TBC1D22A: variants seen among roughly 807,000 people sequenced by gnomAD.
TBC1D22A encodes putative GTPase activator.
TBC1D22A carries 38 observed loss-of-function variants against 60.2 expected under a neutral mutation model. The ratio of observed to expected loss-of-function variants is 0.63; its 90% CI spans 0.49 to 0.83. The LOEUF (loss-of-function observed/expected upper bound fraction) is 0.83. Among genes scored for constraint, TBC1D22A ranks in the 40% least tolerant of loss-of-function variants. TBC1D22A has a pLI of 0.00. For missense variants in TBC1D22A, 628 were observed against 701.0 expected (o/e 0.90, Z 1.18); for synonymous variants, 302 against 281.7 (o/e 1.07, Z -0.72).
intron 4 of TBC1D22A, among the ~76,000 whole-genome samples, chr22:46,818,677 T>C (rs1301414198): frequency 6.6e-6 from 1 of 152,206 alleles, no homozygotes; most frequent in Non-Finnish European, 1.5e-5. Context: ...GGTAGCATGA[T>C]GCTTCTAGCT....
intron 7 of TBC1D22A, among the ~76,000 whole-genome samples, chr22:46,910,892 TAC>T (rs984296119): frequency 6.8e-6 from 1 of 147,530 alleles, no homozygotes; most frequent in African/African-American, 2.6e-5. Flanking sequence ...GCGGTAGGAG[TAC>T]GGGCTGATGA....
At chr22:47,155,253 A>G (rs938363542) in intron 12 of TBC1D22A, among the ~76,000 whole-genome samples, 3 of 151,952 alleles carry the variant, frequency 2.0e-5, no homozygotes, top group Admixed American at 6.6e-5. Flanking sequence ...GACAGTATAC[A>G]TCGCTGTGCC....
chr22:46,956,438 TTC>T (rs1359665187), intron 8 of TBC1D22A, among the ~76,000 whole-genome samples: 1 of 152,206 alleles, frequency 6.6e-6, no homozygotes, highest in Non-Finnish European at 1.5e-5. Flanking sequence ...TGATTTAATT[TTC>T]TTTTTTAAGC....
intron 11 of TBC1D22A, among the ~76,000 whole-genome samples, chr22:47,066,165 C>G (rs2063767418): frequency 1.3e-5 from 2 of 152,286 alleles, no homozygotes; most frequent in East Asian, 3.9e-4. Flanking sequence ...CTAGATAAAC[C>G]AAGGCATATG....
intron 7 of TBC1D22A, among the ~76,000 whole-genome samples, chr22:46,897,640 G>GTTTTTTTGTTTTTTTTTTT (rs1569189469): frequency 9.2e-6 from 1 of 108,408 alleles, no homozygotes; most frequent in African/African-American, 4.2e-5. Context: ...GTTTCGTTTT[G>GTTTTTTTGTTTTTTTTTTT]TTTTTTTTTG....
chr22:47,156,699 A>G (rs2067732180), intron 12 of TBC1D22A, among the ~76,000 whole-genome samples: 1 of 151,940 alleles, frequency 6.6e-6, no homozygotes, highest in Non-Finnish European at 1.5e-5. Context: ...CCCTCACAGC[A>G]CAGTCTCCCT....
chr22:47,107,984 C>G (rs923376390), intron 11 of TBC1D22A, among the ~76,000 whole-genome samples: 4 of 152,180 alleles, frequency 2.6e-5, no homozygotes, highest in African/African-American at 9.7e-5. Flanking sequence ...ACACCAACAG[C>G]ATGATCTGTA....
At chr22:47,137,447 G>A (rs2066916699) in intron 12 of TBC1D22A, among the ~76,000 whole-genome samples, 1 of 152,112 alleles carries the variant, frequency 6.6e-6, no homozygotes, top group South Asian at 2.1e-4. Context: ...GCCCCTTAGC[G>A]AGGAGCCGAG....
intron 11 of TBC1D22A, among the ~76,000 whole-genome samples, chr22:47,105,096 GCT>G (rs2065583936): frequency 1.3e-5 from 2 of 151,912 alleles, no homozygotes; most frequent in African/African-American, 4.8e-5. Flanking sequence ...CTCATATTTG[GCT>G]CAGAATAAAT....
chr22:46,995,281 G>A (rs1228792701), intron 9 of TBC1D22A, among the ~76,000 whole-genome samples: 1 of 152,190 alleles, frequency 6.6e-6, no homozygotes, highest in African/African-American at 2.4e-5. Context: ...CGGAGTTTTC[G>A]TGGTTCTGCC....
chr22:47,043,437 G>A (rs2062917690), intron 11 of TBC1D22A, among the ~76,000 whole-genome samples: 2 of 152,210 alleles, frequency 1.3e-5, no homozygotes, highest in Admixed American at 6.5e-5. Flanking sequence ...GAGAGACATA[G>A]CATGGTCAGG....
chr22:46,997,749 G>T, intron 10 of TBC1D22A, 40 bp downstream of exon 10: 4 of 1,597,640 alleles, frequency 2.5e-6, no homozygotes, highest in Non-Finnish European at 3.4e-6. Context: ...TGTGGGCGGG[G>T]GGAGGTGGCC....
intron 4 of TBC1D22A, among the ~76,000 whole-genome samples, chr22:46,875,961 C>A (rs1249054400): frequency 6.6e-6 from 1 of 152,050 alleles, no homozygotes; most frequent in African/African-American, 2.4e-5. Context: ...CATGACCCCC[C>A]CTGTCATTGG....
At chr22:47,098,071 AAG>A (rs1491549947) in intron 11 of TBC1D22A, among the ~76,000 whole-genome samples, 1 of 152,180 alleles carries the variant, frequency 6.6e-6, no homozygotes, top group African/African-American at 2.4e-5. Context: ...AGAAAAAAAA[AAG>A]AAAAAGAAAA....
intron 8 of TBC1D22A, among the ~76,000 whole-genome samples, chr22:46,960,915 A>G (rs1202816202): frequency 7.1e-6 from 1 of 141,790 alleles, no homozygotes; most frequent in African/African-American, 2.7e-5. Context: ...AGACTGTGCC[A>G]CTACACTCCA....
intron 8 of TBC1D22A, among the ~76,000 whole-genome samples, chr22:46,961,787 C>T (rs1602681858): frequency 1.3e-5 from 2 of 152,278 alleles, no homozygotes; most frequent in Non-Finnish European, 2.9e-5. Context: ...CAGAGGAACT[C>T]GGTCAGTGGT....
At chr22:47,069,916 C>T (rs111893215) in intron 11 of TBC1D22A, among the ~76,000 whole-genome samples, 3,992 of 77,132 alleles carry the variant, frequency 0.052, 133 homozygotes, top group Middle Eastern at 0.082. Context: ...CCAGCGCTGT[C>T]CCCTGTTGTT....
At chr22:46,986,678 T>A (rs535781699) in intron 9 of TBC1D22A, among the ~76,000 whole-genome samples, 1 of 151,808 alleles carries the variant, frequency 6.6e-6, no homozygotes, top group South Asian at 2.1e-4. Flanking sequence ...TTGCTACTGA[T>A]TTGTAGTAAA....
chr22:47,056,185 G>A (rs1484367924), intron 11 of TBC1D22A, among the ~76,000 whole-genome samples: 2 of 151,984 alleles, frequency 1.3e-5, no homozygotes, highest in African/African-American at 4.8e-5. Flanking sequence ...GGGCCGGGCT[G>A]GGTAACGCTC....
Sources: gnomAD v4.1 joint callset for allele counts (sites outside exome capture counted in the v4.1 genomes callset) on GRCh38, gnomAD v4.1.1 for gene constraint, MANE v1.5 for transcripts, NCBI Gene and HGNC (gene_info 2026-07-23, HGNC 2026-07-21) for gene names.